EBF2: variants seen among roughly 807,000 people sequenced by gnomAD.
EBF2 encodes the protein EBF transcription factor 2.
EBF2 carries 21 observed loss-of-function variants against 72.8 expected under a neutral mutation model. The ratio of observed to expected loss-of-function variants is 0.29; its 90% CI spans 0.20 to 0.42. EBF2 has a LOEUF of 0.42. Ranked by LOEUF, EBF2 falls within the 10% of genes least tolerant of loss-of-function variation. The pLI is 1.00. For synonymous variants in EBF2, 299 were observed against 274.2 expected, an observed-to-expected ratio of 1.09 and a Z score of -0.89; for missense variants, 637 against 731.2, an observed-to-expected ratio of 0.87 and a Z score of 1.49.
At chr8:25,906,753 C>A (rs571405087) in intron 7 of EBF2, among the ~76,000 whole-genome samples, 1 of 147,256 alleles carries the variant, frequency 6.8e-6, no homozygotes. Flanking sequence ...GGTGACAGAG[C>A]GAGACTCCAT....
In EBF2 at chr8:26,042,142, C is replaced by T. The variant is rs904882184; in HGVS notation, c.241G>A (p.Val81Met). The change falls in exon 2 of 16, where the codon GTG (valine) becomes ATG (methionine). Residue 81 changes from valine to methionine, a missense_variant. Coordinates refer to ENST00000520164, the MANE Select transcript of EBF2 (RefSeq NM_022659.4). The part of the protein sequence containing the change: ...LALYDRQGQP[V>M]EIERTAFVDF... ...ACGAAGGCCGTCCGCTCGATCTCCA[C>T]CGGCTGGCCCTGCCTGTCATAGAGC... is the stretch of plus-strand genomic sequence containing the variant. 1 of 1,614,162 alleles carries T rather than the reference C, an allele frequency of 6.2e-7. No homozygotes were observed. Among genetic ancestry groups the T allele is most frequent in the Non-Finnish European group, 8.5e-7 (1 of 1,180,026 alleles).
At chr8:25,848,739 G>C (rs1377054711) in intron 15 of EBF2, among the ~76,000 whole-genome samples, 1 of 152,108 alleles carries the variant, frequency 6.6e-6, no homozygotes, top group Non-Finnish European at 1.5e-5. Flanking sequence ...TGAGGAAAGG[G>C]CTGCATCCAT....
intron 6 of EBF2, among the ~76,000 whole-genome samples, chr8:25,993,625 G>T (rs1268672366): frequency 1.3e-5 from 2 of 152,068 alleles, no homozygotes; most frequent in African/African-American, 4.8e-5. Flanking sequence ...CATTCTTCAC[G>T]CAGCAACCGG....
At chr8:26,006,867 A>T (rs1167504327) in intron 6 of EBF2, among the ~76,000 whole-genome samples, 1 of 152,174 alleles carries the variant, frequency 6.6e-6, no homozygotes, top group Non-Finnish European at 1.5e-5. Flanking sequence ...GACCCACTTG[A>T]TTCATACTTT....
rs550615871 is a variant in EBF2 at position 25,970,960 on chromosome 8, G to A, written c.551+62125C>T. Among the ~76,000 whole-genome samples, 11 of 152,118 alleles carry A rather than the reference G, an allele frequency of 7.2e-5. No homozygotes were observed. The South Asian group carries it at 2.3e-3, about 32-fold the overall frequency. ...CAACCCTCCCACTTCAGCCTCCTGA[G>A]TAACTGAGACTACAGGCACATGCCA... On this transcript the variant is annotated intron_variant, in intron 6 of 15. Coordinates refer to ENST00000520164, the MANE Select transcript of EBF2 (RefSeq NM_022659.4).
Position 25,963,479 on chromosome 8 carries a change from A to C in EBF2, c.552-54924T>G, listed in dbSNP as rs1260655502. Among the ~76,000 whole-genome samples the C allele has an allele frequency of 3.0e-4, 46 of 152,226 alleles. 1 individual carries two copies. Among genetic ancestry groups the C allele is most frequent in the Non-Finnish European group, 8.8e-5 (6 of 68,038 alleles). ...GCTCTCAAGGATATTTTTGCAACAA[A>C]GCCCCGGTGCTGTCCTTGTAGGACC... On this transcript the variant is annotated intron_variant, in intron 6 of 15. Transcript: ENST00000520164.
At chr8:25,968,109 T>A (rs1804140975) in intron 6 of EBF2, among the ~76,000 whole-genome samples, 1 of 152,126 alleles carries the variant, frequency 6.6e-6, no homozygotes, top group South Asian at 2.1e-4. Context: ...ATAGGTGGGC[T>A]ATTTAATGAA....
intron 6 of EBF2, among the ~76,000 whole-genome samples, chr8:25,992,021 G>T (rs1486698148): frequency 1.3e-5 from 2 of 152,010 alleles, no homozygotes; most frequent in African/African-American, 2.4e-5. Context: ...TCAATATGAT[G>T]AATCTTTTTT....
chr8:25,889,466 G>A (rs1802742619), intron 8 of EBF2, among the ~76,000 whole-genome samples: 3 of 152,074 alleles, frequency 2.0e-5, no homozygotes, highest in African/African-American at 7.2e-5. Context: ...TAACTAAGAT[G>A]TCATAGGCCT....
intron 6 of EBF2, among the ~76,000 whole-genome samples, chr8:26,028,855 A>T (rs888483960): frequency 7.9e-5 from 12 of 152,126 alleles, no homozygotes; most frequent in Non-Finnish European, 1.5e-4. Context: ...TTTTCCCCTG[A>T]TGGGGACTTT....
At chr8:25,980,416 G>C (rs1024341514) in intron 6 of EBF2, among the ~76,000 whole-genome samples, 2 of 152,006 alleles carry the variant, frequency 1.3e-5, no homozygotes, top group African/African-American at 4.8e-5. Flanking sequence ...ACAATGGTAA[G>C]CGTGCTGTAA....
At chr8:25,960,302 C>T (rs1804015416) in intron 6 of EBF2, among the ~76,000 whole-genome samples, 1 of 152,212 alleles carries the variant, frequency 6.6e-6, no homozygotes, top group South Asian at 2.1e-4. Context: ...TATCGAAGAA[C>T]CAATTATGCC....
intron 6 of EBF2, among the ~76,000 whole-genome samples, chr8:25,980,868 T>C (rs988053885): frequency 2.1e-5 from 3 of 142,136 alleles, no homozygotes; most frequent in Non-Finnish European, 4.5e-5. Flanking sequence ...TGGGAACCCA[T>C]GAGAAAACTG....
At chr8:25,896,179 C>A (rs796070618) in intron 7 of EBF2, among the ~76,000 whole-genome samples, 19 of 152,324 alleles carry the variant, frequency 1.2e-4, no homozygotes, top group African/African-American at 4.3e-4. Flanking sequence ...AAACAGACGA[C>A]AATTCCAATG....
At chr8:25,870,652 T>C (rs1337521311) in intron 10 of EBF2, among the ~76,000 whole-genome samples, 1 of 152,052 alleles carries the variant, frequency 6.6e-6, no homozygotes, top group South Asian at 2.1e-4. Context: ...CCCAACCAGA[T>C]TGCAAACCAC....
At chr8:25,876,399 G>A (rs950770884) in intron 10 of EBF2, among the ~76,000 whole-genome samples, 2 of 152,070 alleles carry the variant, frequency 1.3e-5, no homozygotes, top group Non-Finnish European at 2.9e-5. Flanking sequence ...TCCTGCACGT[G>A]TATCCCAGAA....
At chr8:25,992,667 C>A (rs1804563696) in intron 6 of EBF2, among the ~76,000 whole-genome samples, 1 of 151,882 alleles carries the variant, frequency 6.6e-6, no homozygotes, top group Admixed American at 6.6e-5. Flanking sequence ...CTTTCGGAGG[C>A]CAAGGCAGGC....
intron 7 of EBF2, among the ~76,000 whole-genome samples, chr8:25,892,107 T>A (rs1802792250): frequency 6.6e-6 from 1 of 152,196 alleles, no homozygotes; most frequent in African/African-American, 2.4e-5. Context: ...TCAGAGAATA[T>A]CAAACCCTAT....
At chr8:25,917,824 C>A in intron 6 of EBF2, among the ~76,000 whole-genome samples, 1 of 152,124 alleles carries the variant, frequency 6.6e-6, no homozygotes, top group East Asian at 1.9e-4. Context: ...CAGTGAACAC[C>A]AATTACACCC....
Sources: allele counts gnomAD v4.1 joint callset (sites outside exome capture counted in the v4.1 genomes callset), GRCh38; gene constraint gnomAD v4.1.1; transcripts MANE v1.5; gene names NCBI Gene and HGNC (gene_info 2026-07-23, HGNC 2026-07-21).